CSPG4: variants seen among roughly 807,000 people sequenced by gnomAD.
CSPG4 encodes chondroitin sulfate proteoglycan 4 (melanoma-associated).
A neutral mutation model predicts 139.3 loss-of-function variants in CSPG4; 74 were observed. That is an observed-to-expected ratio of 0.53 (90% CI 0.44 to 0.64). CSPG4 has a LOEUF of 0.64. Among genes scored for constraint, CSPG4 ranks in the 30% least tolerant of loss-of-function variants. The pLI is 0.00. For missense variants in CSPG4, 2,565 were observed against 3,148.3 expected (o/e 0.81, Z 4.43); for synonymous variants, 1,234 against 1,394.2 (o/e 0.89, Z 2.56).
rs768408288 is a variant in CSPG4, at chr15:75,690,520, C to T, written c.545G>A (p.Arg182Gln). ...CTCATGCACATCGGGGGTCAGAGGC[C>T]GGAGGAGGCTGCGGCCATTGAGGGT... ...AATLNGRSLL[R>Q]PLTPDVHEGC... The change falls in exon 3 of 10, where the codon CGG becomes CAG. Residue 182 changes from arginine (R) to glutamine (Q), a missense_variant. By Grantham distance (43) the Arg-to-Gln change is conservative. This residue lies in a region of CSPG4 where 132 missense variants were observed against 132.3 expected (regional missense o/e 1.00). Coordinates refer to ENST00000308508, the MANE Select transcript of CSPG4 (RefSeq NM_001897.5). 2.6e-5 allele frequency: 42 copies of T among 1,609,526 alleles called. No homozygotes were observed. The highest frequency in any genetic ancestry group is 6.7e-5 in the African/African-American group (5 of 74,814).
In CSPG4 at chr15:75,674,471, G is replaced by A. The variant is rs985874765; in HGVS notation, c.*1079C>T. ...GGTGGGGGCACAGGAGGTCTGGGAG[G>A]CCCCAGGAGGTGGAAGTTCAGAGGC... On this transcript the variant is annotated 3_prime_UTR_variant, in exon 10 of 10. Transcript: ENST00000308508. 7 of 366,492 alleles carry A rather than the reference G, an allele frequency of 1.9e-5. No homozygotes were observed. In the Admixed American group the frequency reaches 2.3e-4, roughly 12 times the overall value. The allele number at this position is 366,492 out of a possible 1,614,324, so 22.7% of individuals were successfully genotyped here.
At chr15:75,679,015 C>G in intron 8 of CSPG4, 1 of 336,136 alleles carries the variant, frequency 3.0e-6, no homozygotes, top group Non-Finnish European at 5.8e-6. Flanking sequence ...ATCTTATGGC[C>G]AGGTCTCCAG....
At position 75,689,042 on chromosome 15, in the gene CSPG4, G is replaced by A. The variant is rs1276109154; in HGVS notation, c.2023C>T (p.Gln675Ter). 1 of 1,611,438 alleles carries A rather than the reference G, an allele frequency of 6.2e-7. No homozygotes were observed. Among genetic ancestry groups the A allele is most frequent in the African/African-American group, 1.3e-5 (1 of 74,920 alleles). The change falls in exon 3 of 10, where the codon CAA (glutamine) becomes TAA (stop). Residue 675 changes from glutamine (Q) to a stop codon, truncating the protein, a stop_gained. Transcript: ENST00000308508. LOFTEE classifies it high-confidence loss of function. ...GGCAAGATGGGCATGGCAGAGCCTT[G>A]GGCCAGTCGCAACCCTGTGCTGCGG... ...IHRSTGLRLA[Q>*]GSAMPILPAN...
At chr15:75,705,805 C>CT (rs1362224395) in intron 1 of CSPG4, among the ~76,000 whole-genome samples, 2 of 152,282 alleles carry the variant, frequency 1.3e-5, no homozygotes, top group African/African-American at 4.8e-5. Context: ...TGATTTGCTC[C>CT]TCCTTGACCA....
rs1426404541 is a variant in CSPG4 at position 75,677,032 on chromosome 15, A to T, written c.5487T>A (p.Asn1829Lys). The T allele has an allele frequency of 7.0e-7, 1 of 1,432,882 alleles. No individual in the cohort carries two copies. The highest frequency in any genetic ancestry group is 2.6e-5 in the East Asian group (1 of 38,760). 88.8% of individuals were successfully genotyped at this position (1,432,882 alleles called of 1,614,324 possible). The change falls in exon 10 of 10, where the codon AAT becomes AAA. Residue 1829 changes from asparagine to lysine, a missense_variant. Asn to Lys is a moderately conservative substitution (Grantham distance 94). Around this residue, in one of 5 missense-constraint regions of CSPG4, gnomAD observed 2,316 missense variants for 2,818.2 expected, o/e 0.82. Coordinates refer to ENST00000308508, the MANE Select transcript of CSPG4 (RefSeq NM_001897.5). Reference sequence around the variant, plus strand: ...AGGCCTGTGGCTGAGGGGGCCGCTCATTTACATCCCTCACCGTGATGGCAA... The same window carrying T: ...AGGCCTGTGGCTGAGGGGGCCGCTCTTTTACATCCCTCACCGTGATGGCAA... Reference protein sequence around the residue: ...EAFAITVRDVNERPPQPQASV... With the variant: ...EAFAITVRDVKERPPQPQASV...
At chr15:75,694,268 CT>C (rs1894199451) in intron 1 of CSPG4, among the ~76,000 whole-genome samples, 1 of 152,252 alleles carries the variant, frequency 6.6e-6, no homozygotes, top group Non-Finnish European at 1.5e-5. Context: ...GACTCCTCCT[CT>C]TTTGAATTGC....
chr15:75,675,010 T>C lies in CSPG4; in HGVS notation c.*540A>G, dbSNP rs1893869236. The stretch of plus-strand genomic sequence containing the variant: ...TGCCTTCTAGACTGGAGGCGCTCTC[T>C]CCTCTTGCCCTCTACTCCAGGGGAT... On this transcript the variant is annotated 3_prime_UTR_variant, in exon 10 of 10. Transcript: ENST00000308508. 2 of 393,602 alleles carry C rather than the reference T, an allele frequency of 5.1e-6. No homozygotes were observed. The highest frequency in any genetic ancestry group is 2.1e-5 in the African/African-American group (1 of 48,646). The allele number at this position is 393,602 out of a possible 1,614,324, so 24.4% of individuals were successfully genotyped here.
rs1893992115 is a variant in CSPG4, at chr15:75,682,732, T to C, written c.4658A>G (p.Asp1553Gly). The C allele has an allele frequency of 6.2e-7, 1 of 1,612,728 alleles. No individual in the cohort carries two copies. The highest frequency in any genetic ancestry group is 8.5e-7 in the Non-Finnish European group (1 of 1,179,994). Reference sequence around the variant, plus strand: ...AGAGAGGCGGAAGCGGAAGCCTCCATCCAGGGTTCCTGGGGACAGGGGCAT... The same window carrying C: ...AGAGAGGCGGAAGCGGAAGCCTCCACCCAGGGTTCCTGGGGACAGGGGCAT... ...LVLFSHRGTL[D>G]GGFRFRLSDG... The change falls in exon 7 of 10, where the codon GAT becomes GGT. Residue 1553 changes from aspartate (D) to glycine (G), a missense_variant. Asp to Gly is a moderately conservative substitution (Grantham distance 94, BLOSUM62 -1). This residue lies in a region of CSPG4 where 2,316 missense variants were observed against 2,818.2 expected (regional missense o/e 0.82). Coordinates refer to ENST00000308508, the MANE Select transcript of CSPG4 (RefSeq NM_001897.5).
intron 8 of CSPG4, chr15:75,678,587 C>T (rs1212777841): frequency 2.2e-6 from 1 of 453,466 alleles, no homozygotes; most frequent in Admixed American, 2.4e-5. Flanking sequence ...CTTCTGGGCT[C>T]AAGCGGTCCA....
chr15:75,704,579 C>T (rs145528642), intron 1 of CSPG4, among the ~76,000 whole-genome samples: 5,038 of 152,300 alleles, frequency 0.033, 92 homozygotes, highest in Non-Finnish European at 0.052. Context: ...GTCACCTCTA[C>T]GTGGGTGAAG....
intron 1 of CSPG4, among the ~76,000 whole-genome samples, chr15:75,695,822 C>T (rs1486283685): frequency 3.3e-5 from 5 of 152,048 alleles, no homozygotes; most frequent in African/African-American, 4.8e-5. Context: ...GCAGCAAGGC[C>T]GAGTGAGACT....
At position 75,689,476 on chromosome 15, in the gene CSPG4, A is replaced by G; in HGVS notation, c.1589T>C (p.Met530Thr). ...TTGGCCCCTCCGAAGGCATGAGGGC[A>G]TGGGCACCCGAGCCGTCACCGACAC... Reference protein sequence around the residue: ...LEVSVTARVPMPSCLRRGQTY... With the variant: ...LEVSVTARVPTPSCLRRGQTY... The change falls in exon 3 of 10, where the codon ATG becomes ACG. Residue 530 changes from methionine (M) to threonine (T), a missense_variant. Met to Thr is a moderately conservative substitution (Grantham distance 81, BLOSUM62 -1). Coordinates refer to ENST00000308508, the MANE Select transcript of CSPG4 (RefSeq NM_001897.5). The G allele has an allele frequency of 6.2e-7, 1 of 1,612,722 alleles. No homozygotes were observed. The highest frequency in any genetic ancestry group is 8.5e-7 in the Non-Finnish European group (1 of 1,179,766).
Position 75,697,362 on chromosome 15 carries a change from A to G in CSPG4, c.89-4129T>C, listed in dbSNP as rs149313929. ...CTGGAGGGCCCCGGCCTGGGGCCCC[A>G]CCCTCCATGGGTGCTGAGTCCCACA... On this transcript the variant is annotated intron_variant, in intron 1 of 9. Transcript: ENST00000308508. Among the ~76,000 whole-genome samples the G allele has an allele frequency of 4.7e-3, 719 of 152,208 alleles. 8 individuals are homozygous for G. Among genetic ancestry groups the G allele is most frequent in the African/African-American group, 0.016 (657 of 41,522 alleles).
chr15:75,701,757 A>C (rs1894303611), intron 1 of CSPG4, among the ~76,000 whole-genome samples: 1 of 152,094 alleles, frequency 6.6e-6, no homozygotes, highest in South Asian at 2.1e-4. Context: ...AGGAACACCC[A>C]CAGGAACCCC....
In CSPG4 at chr15:75,689,533, G is replaced by C; in HGVS notation, c.1532C>G (p.Ser511Cys). Residue 511 changes from serine (S) to cysteine (C), a missense_variant, in exon 3 of 10, where the codon TCT becomes TGT. Around this residue, in one of 5 missense-constraint regions of CSPG4, gnomAD observed 2,316 missense variants for 2,818.2 expected, o/e 0.82. Transcript: ENST00000308508. Reference protein sequence around the residue: ...NRKARFIHDGSEDTSDQLVLE... With the variant: ...NRKARFIHDGCEDTSDQLVLE... ...CACCAGCTGGTCGGAGGTGTCCTCA[G>C]AGCCATCGTGGATGAAGCGGGCCTT... 1.2e-6 allele frequency: 2 copies of C among 1,612,836 alleles called. No homozygotes were observed. Among genetic ancestry groups the C allele is most frequent in the Non-Finnish European group, 8.5e-7 (1 of 1,179,860 alleles).
intron 1 of CSPG4, among the ~76,000 whole-genome samples, chr15:75,706,789 A>G (rs563746595): frequency 2.6e-5 from 4 of 152,288 alleles, no homozygotes; most frequent in Non-Finnish European, 2.9e-5. Flanking sequence ...CGTGGGACAC[A>G]GGATCACCTT....
chr15:75,678,349 T>C (rs948455147), intron 8 of CSPG4: 1 of 185,020 alleles, frequency 5.4e-6, no homozygotes, highest in Non-Finnish European at 1.1e-5. Context: ...GCTATTTAAT[T>C]AATTATTATT....
intron 1 of CSPG4, among the ~76,000 whole-genome samples, chr15:75,702,223 C>T (rs1177643929): frequency 1.3e-5 from 2 of 152,220 alleles, no homozygotes; most frequent in Admixed American, 6.5e-5. Flanking sequence ...CTTCCAAGGA[C>T]ACTCCACGCC....
In CSPG4 at chr15:75,690,640, A is replaced by C; in HGVS notation, c.425T>G (p.Val142Gly). 6.2e-7 allele frequency: 1 copy of C among 1,611,580 alleles called. No homozygotes were observed. The highest frequency in any genetic ancestry group is 8.5e-7 in the Non-Finnish European group (1 of 1,179,840). Residue 142 changes from valine to glycine, a missense_variant, in exon 3 of 10, where the codon GTC becomes GGC. Physicochemically the swap from Val to Gly is moderately radical, Grantham distance 109 (BLOSUM62 -3). Coordinates refer to ENST00000308508, the MANE Select transcript of CSPG4 (RefSeq NM_001897.5). ...SSAVPGAPLE[V>G]PYGLFVGGTG... ...GCCCCCAACAAAGAGCCCATAGGGG[A>C]CCTCTAGGGGGGCTCCTGGGACTGC... is the stretch of plus-strand genomic sequence containing the variant.
Sources: gnomAD v4.1 joint callset for allele counts (sites outside exome capture counted in the v4.1 genomes callset) on GRCh38, gnomAD v4.1.1 for gene constraint, gnomAD v4.1.1 regional missense constraint, MANE v1.5 for transcripts, NCBI Gene and HGNC (gene_info 2026-07-23, HGNC 2026-07-21) for gene names.